Variants in TRPM2 observed in about 807,000 individuals in gnomAD.
TRPM2 encodes the protein estrogen-responsive element-associated gene 1 protein.
Under a neutral mutation model 174.0 loss-of-function variants are expected in TRPM2, and 161 were observed. The ratio of observed to expected loss-of-function variants is 0.93; its 90% CI spans 0.81 to 1.05. TRPM2 has a LOEUF of 1.05. Among genes scored for constraint, TRPM2 ranks in the 50% least tolerant of loss-of-function variants. The pLI, the probability that TRPM2 is intolerant of heterozygous loss-of-function variation, is 0.00. For missense variants in TRPM2, 2,057 were observed against 2,038.0 expected, an observed-to-expected ratio of 1.01 and a Z score of -0.18; for synonymous variants, 954 against 861.3, an observed-to-expected ratio of 1.11 and a Z score of -1.88.
intron 5 of TRPM2, among the ~76,000 whole-genome samples, chr21:44,371,329 CG>C (rs1383174534): frequency 1.5e-5 from 2 of 132,154 alleles, no homozygotes; most frequent in African/African-American, 3.0e-5. Context: ...TGTCTGCCTC[CG>C]TGTCCCGTGG....
intron 2 of TRPM2, among the ~76,000 whole-genome samples, chr21:44,361,777 G>A (rs930062008): frequency 2.6e-5 from 4 of 151,846 alleles, no homozygotes; most frequent in Admixed American, 6.6e-5. Flanking sequence ...GCACGATCTC[G>A]GCTCATTACA....
chr21:44,397,766 C>T lies in TRPM2; in HGVS notation c.1952C>T (p.Ala651Val), dbSNP rs149619816. 2.5e-4 allele frequency: 400 copies of T among 1,592,546 alleles called. 2 individuals are homozygous for T. The highest frequency in any genetic ancestry group is 2.4e-3 in the African/African-American group (177 of 74,446). ...IWAQSQDCIA[A>V]ALACSKILKE... is the part of the protein sequence containing the mutation. ...CCCCAGAGCCAGGACTGCATCGCAG[C>T]GGCCTTGGCCTGCAGCAAGATCCTG... is the stretch of plus-strand genomic sequence containing the variant. The change falls in exon 13 of 32, where the codon GCG (alanine) becomes GTG (valine). Residue 651 changes from alanine (A) to valine (V), a missense_variant. Physicochemically the swap from Ala to Val is moderately conservative, Grantham distance 64. Coordinates refer to ENST00000397928, the MANE Select transcript of TRPM2 (RefSeq NM_003307.4).
chr21:44,364,041 C>T (rs979219702), intron 2 of TRPM2, 73 bp from the exon 3 acceptor site: 15 of 1,493,612 alleles, frequency 1.0e-5, no homozygotes, highest in Non-Finnish European at 1.3e-5. Context: ...TTCCACTGGG[C>T]CTCCTCTGAT....
intron 20 of TRPM2, chr21:44,415,318 G>A: frequency 6.6e-6 from 1 of 152,296 alleles, no homozygotes; most frequent in East Asian, 1.9e-4. Context: ...GTGGGGTTAA[G>A]TGGAGGATCC....
In TRPM2 at chr21:44,438,720, T is replaced by C. The variant is rs1356284809; in HGVS notation, c.4168-347T>C. ...GCAGCCTGCTGCACTGGGCGGGAGCTGGGAGGGGCGACGCGGGGGCAGGCG... is the reference window on the plus strand; with the variant it reads ...GCAGCCTGCTGCACTGGGCGGGAGCCGGGAGGGGCGACGCGGGGGCAGGCG... On this transcript the variant is annotated intron_variant, in intron 29 of 31. Transcript: ENST00000397928. This position sits in a 1 kb window ranked among gnomAD's most constrained non-coding sequence, Gnocchi z 5.9. Among the ~76,000 whole-genome samples the C allele has an allele frequency of 6.6e-6, 1 of 151,794 alleles. No homozygotes were observed. The highest frequency in any genetic ancestry group is 1.5e-5 in the Non-Finnish European group (1 of 67,910).
chr21:44,425,939 A>G (rs1374570096), intron 25 of TRPM2, 112 bp downstream of exon 25: 3 of 1,302,294 alleles, frequency 2.3e-6, no homozygotes, highest in Non-Finnish European at 3.0e-6. Flanking sequence ...CACTGCAGCC[A>G]CAGGGGGATC....
At chr21:44,406,139 A>G in intron 18 of TRPM2, 102 bp downstream of exon 18, 3 of 1,430,238 alleles carry the variant, frequency 2.1e-6, no homozygotes, top group Non-Finnish European at 2.8e-6. Flanking sequence ...GCTTAAACAC[A>G]CCTGTAGGTT....
Position 44,353,782 on chromosome 21 carries a change from G to A in TRPM2, c.82G>A (p.Gly28Arg). ...EGLPRRVTDL[G>R]MVSNLRRSNS... is the part of the protein sequence containing the mutation. ...GCTGCCCAGAAGGGTCACTGACCTG[G>A]GGATGGTCTCCAATCTCCGGCGCAG... is the stretch of plus-strand genomic sequence containing the variant. Residue 28 changes from glycine to arginine, a missense_variant, in exon 1 of 32, where the codon GGG becomes AGG. Gly to Arg is a moderately radical substitution (Grantham distance 125). Transcript: ENST00000397928. 6.2e-7 allele frequency: 1 copy of A among 1,603,802 alleles called. No homozygotes were observed. Among genetic ancestry groups the A allele is most frequent in the African/African-American group, 1.3e-5 (1 of 74,260 alleles).
intron 2 of TRPM2, among the ~76,000 whole-genome samples, chr21:44,355,078 A>G (rs1288166773): frequency 2.0e-5 from 3 of 152,066 alleles, no homozygotes; most frequent in Non-Finnish European, 4.4e-5. Context: ...CCCCCACCCC[A>G]AGAGAGAGAG....
chr21:44,422,525 T>A, intron 22 of TRPM2: 1 of 1,393,132 alleles, frequency 7.2e-7, no homozygotes, highest in Non-Finnish European at 9.6e-7. Flanking sequence ...TAGATAACTG[T>A]TTAAAGTGGG....
At chr21:44,402,588 C>T (rs910176062) in intron 16 of TRPM2, among the ~76,000 whole-genome samples, 4 of 152,200 alleles carry the variant, frequency 2.6e-5, no homozygotes, top group East Asian at 1.9e-4. Context: ...GAAAACTGCC[C>T]GGGGCCCCAC....
rs547247496 is a variant in TRPM2, at chr21:44,380,653, A to G, written c.1215+1456A>G. Among the ~76,000 whole-genome samples, 6 of 152,234 alleles carry G rather than the reference A, an allele frequency of 3.9e-5. No individual in the cohort carries two copies. In the East Asian group the frequency reaches 9.7e-4, roughly 25 times the overall value. On this transcript the variant is annotated intron_variant, in intron 8 of 31. Transcript: ENST00000397928. ...CAGCCAGGGTCAGTGCGCTCCTTTA[A>G]CACGCCTTCTCAGAGTGTCCGTCTA...
intron 22 of TRPM2, chr21:44,422,382 C>T: frequency 1.3e-6 from 2 of 1,536,154 alleles, no homozygotes; most frequent in South Asian, 1.2e-5. Context: ...AGTAACCACC[C>T]TCGCATGTTT....
chr21:44,436,458 C>G lies in TRPM2; in HGVS notation c.4062-604C>G, dbSNP rs552023534. On this transcript the variant is annotated intron_variant, in intron 28 of 31. Transcript: ENST00000397928. ...TCTCTGCTCCCCAGTCCTTTGGCCT[C>G]TCCTTGGCCTGCCCAGGTGGCACTC... Among the ~76,000 whole-genome samples, 106 of 152,134 alleles carry G rather than the reference C, an allele frequency of 7.0e-4. 2 individuals carry two copies. In the South Asian group the frequency reaches 0.021, roughly 31 times the overall value.
At chr21:44,436,152 C>T (rs1387103235) in intron 28 of TRPM2, among the ~76,000 whole-genome samples, 1 of 152,188 alleles carries the variant, frequency 6.6e-6, no homozygotes, top group Non-Finnish European at 1.5e-5. Flanking sequence ...AGCAGCTGGC[C>T]CACTGCTCTC....
intron 11 of TRPM2, among the ~76,000 whole-genome samples, chr21:44,392,441 T>A (rs191060164): frequency 2.4e-3 from 358 of 150,588 alleles, no homozygotes; most frequent in African/African-American, 8.5e-3. Flanking sequence ...TTTTTTATAA[T>A]ATTTTGTTGA....
chr21:44,419,519 G>A (rs1341990307), intron 22 of TRPM2, among the ~76,000 whole-genome samples: 1 of 146,920 alleles, frequency 6.8e-6, no homozygotes, highest in Non-Finnish European at 1.5e-5. Context: ...ATGAGTAGTG[G>A]GGGCGGTGGT....
chr21:44,417,891 C>T (rs1267849867), intron 20 of TRPM2, 36 bp from the exon 21 acceptor site: 1 of 1,593,900 alleles, frequency 6.3e-7, no homozygotes. Context: ...GGGTAAACAC[C>T]CTGACCTCGA....
intron 9 of TRPM2, among the ~76,000 whole-genome samples, chr21:44,384,270 A>T (rs2048960355): frequency 6.6e-6 from 1 of 152,208 alleles, no homozygotes; most frequent in African/African-American, 2.4e-5. Context: ...TGTGACTAAA[A>T]CAGAATACCA....
Sources: allele counts gnomAD v4.1 joint callset (sites outside exome capture counted in the v4.1 genomes callset), GRCh38; gene constraint gnomAD v4.1.1; non-coding constraint Gnocchi (gnomAD v3.1); transcripts MANE v1.5; gene names NCBI Gene and HGNC (gene_info 2026-07-23, HGNC 2026-07-21).